SPTLC3: variants seen among roughly 807,000 people sequenced by gnomAD.
SPTLC3 encodes serine palmitoyltransferase long chain base subunit 3, also known as serine palmitoyltransferase 3.
SPTLC3 carries 36 observed loss-of-function variants against 59.3 expected under a neutral mutation model. That is an observed-to-expected ratio of 0.61 (90% CI 0.47 to 0.80). SPTLC3 has a LOEUF of 0.80. Ranked by LOEUF, SPTLC3 falls within the 30% of genes least tolerant of loss-of-function variation. The pLI, the probability that SPTLC3 is intolerant of heterozygous loss-of-function variation, is 0.00. For synonymous variants in SPTLC3, 257 were observed against 240.8 expected, an observed-to-expected ratio of 1.07 and a Z score of -0.62; for missense variants, 625 against 685.1, an observed-to-expected ratio of 0.91 and a Z score of 0.98.
chr20:13,124,111 G>C (rs1692079148), intron 8 of SPTLC3, among the ~76,000 whole-genome samples: 1 of 152,138 alleles, frequency 6.6e-6, no homozygotes, highest in African/African-American at 2.4e-5. Context: ...CAGATATGGG[G>C]AAAACCCACC....
intron 9 of SPTLC3, chr20:13,133,110 T>A (rs973045542): frequency 6.6e-6 from 1 of 152,250 alleles, no homozygotes; most frequent in African/African-American, 2.4e-5. Context: ...TCTCTTCTGG[T>A]TTTTCTCTTA....
At chr20:13,152,333 T>G (rs1219665200) in intron 9 of SPTLC3, among the ~76,000 whole-genome samples, 1 of 152,206 alleles carries the variant, frequency 6.6e-6, no homozygotes, top group Admixed American at 6.5e-5. Context: ...ATTACTATTG[T>G]CCTTTAGAGG....
intron 9 of SPTLC3, among the ~76,000 whole-genome samples, chr20:13,132,282 C>T (rs561743671): frequency 6.7e-6 from 1 of 148,612 alleles, no homozygotes; most frequent in African/African-American, 2.5e-5. Flanking sequence ...GCTCAAGTGA[C>T]TCTTGTGCCT....
intron 9 of SPTLC3, among the ~76,000 whole-genome samples, chr20:13,152,258 A>G (rs1053076545): frequency 6.6e-6 from 1 of 152,200 alleles, no homozygotes; most frequent in South Asian, 2.1e-4. Flanking sequence ...TGACTAAATC[A>G]ATAAATGTCA....
At chr20:13,155,525 G>A (rs528276760) in intron 10 of SPTLC3, among the ~76,000 whole-genome samples, 1 of 152,236 alleles carries the variant, frequency 6.6e-6, no homozygotes, top group East Asian at 1.9e-4. Flanking sequence ...AAAATCACAA[G>A]CAGTTAAAAC....
intron 2 of SPTLC3, among the ~76,000 whole-genome samples, chr20:13,060,396 ATTTATTTATTT>A (rs1600240659): frequency 2.1e-5 from 3 of 145,380 alleles, no homozygotes; most frequent in African/African-American, 7.8e-5. Flanking sequence ...TTATTTATTT[ATTTATTTATTT>A]ATTTATTTAT....
intron 2 of SPTLC3, among the ~76,000 whole-genome samples, chr20:13,065,946 T>A (rs906021019): frequency 1.3e-5 from 2 of 152,250 alleles, no homozygotes; most frequent in Admixed American, 6.5e-5. Context: ...ATCTACTTTC[T>A]TATTAATTTC....
chr20:13,103,678 C>T (rs1308415699), intron 6 of SPTLC3, among the ~76,000 whole-genome samples: 3 of 152,158 alleles, frequency 2.0e-5, no homozygotes, highest in Admixed American at 1.3e-4. Context: ...GTTTCAGCCC[C>T]AATCTCGCAT....
intron 10 of SPTLC3, among the ~76,000 whole-genome samples, chr20:13,155,483 C>T (rs2038746866): frequency 6.6e-6 from 1 of 152,182 alleles, no homozygotes; most frequent in African/African-American, 2.4e-5. Context: ...ACAGATTCTT[C>T]AGAGTATGCT....
At chr20:13,126,195 A>T (rs1238722536) in intron 8 of SPTLC3, among the ~76,000 whole-genome samples, 1 of 152,154 alleles carries the variant, frequency 6.6e-6, no homozygotes, top group Non-Finnish European at 1.5e-5. Context: ...ATGCTTGTTC[A>T]TGGGCACAAT....
At chr20:13,047,740 A>G (rs1600229415) in intron 1 of SPTLC3, among the ~76,000 whole-genome samples, 1 of 152,276 alleles carries the variant, frequency 6.6e-6, no homozygotes, top group East Asian at 1.9e-4. Flanking sequence ...GTGAAATAAA[A>G]CAGAAAATTT....
intron 1 of SPTLC3, among the ~76,000 whole-genome samples, chr20:13,029,562 T>C (rs1032185820): frequency 6.6e-6 from 1 of 152,200 alleles, no homozygotes; most frequent in Non-Finnish European, 1.5e-5. Context: ...TGATCATGGA[T>C]ATTATTAGAC....
At chr20:13,070,448 A>G (rs1253525027) in intron 2 of SPTLC3, among the ~76,000 whole-genome samples, 1 of 152,164 alleles carries the variant, frequency 6.6e-6, no homozygotes. Flanking sequence ...TCTGCAATGA[A>G]CCAGTGCAGA....
intron 2 of SPTLC3, among the ~76,000 whole-genome samples, chr20:13,052,899 G>T (rs547994957): frequency 6.6e-6 from 1 of 152,288 alleles, no homozygotes; most frequent in Non-Finnish European, 1.5e-5. Context: ...CCAGTCAGGG[G>T]TTTATAGATG....
At chr20:13,009,709 A>G (rs1012250879) in intron 1 of SPTLC3, among the ~76,000 whole-genome samples, 9 of 152,200 alleles carry the variant, frequency 5.9e-5, no homozygotes, top group Non-Finnish European at 8.8e-5. Context: ...CTCTTTGCAT[A>G]TATTTTTGTC....
At chr20:13,074,725 GC>G (rs1397902308) in intron 4 of SPTLC3, among the ~76,000 whole-genome samples, 1 of 152,168 alleles carries the variant, frequency 6.6e-6, no homozygotes, top group East Asian at 1.9e-4. Flanking sequence ...GATCTTTCCT[GC>G]CCATATTATC....
chr20:13,164,580 C>T (rs1275455541), intron 11 of SPTLC3, 174 bp from the exon 12 acceptor site: 1 of 612,412 alleles, frequency 1.6e-6, no homozygotes. Context: ...TAACATTCCT[C>T]TAGGGTCTTA....
intron 6 of SPTLC3, among the ~76,000 whole-genome samples, chr20:13,100,189 AG>A (rs1192984456): frequency 6.6e-6 from 1 of 152,190 alleles, no homozygotes; most frequent in Non-Finnish European, 1.5e-5. Flanking sequence ...AAAATACCTA[AG>A]ATATACTTAA....
intron 9 of SPTLC3, among the ~76,000 whole-genome samples, chr20:13,141,660 A>G (rs1266275436): frequency 6.6e-6 from 1 of 152,192 alleles, no homozygotes; most frequent in African/African-American, 2.4e-5. Context: ...TCTGATTTCT[A>G]AATACATTTG....
Sources: allele counts gnomAD v4.1 joint callset (sites outside exome capture counted in the v4.1 genomes callset), GRCh38; gene constraint gnomAD v4.1.1; transcripts MANE v1.5; gene names NCBI Gene and HGNC (gene_info 2026-07-23, HGNC 2026-07-21).